The following SLC39A11 variants were observed in gnomAD, a reference collection of about 807,000 sequenced individuals.
The protein encoded by SLC39A11 is solute carrier family 39 member 11, also known as zinc transporter ZIP11.
A neutral mutation model predicts 36.1 loss-of-function variants in SLC39A11; 33 were observed. The ratio of observed to expected loss-of-function variants is 0.91; its 90% CI spans 0.69 to 1.22. The LOEUF is 1.22. Among genes scored for constraint, SLC39A11 ranks in the 50% most tolerant of loss-of-function variants. The probability of loss-of-function intolerance (pLI) is 0.00; values close to 1 mark genes in which losing one functional copy is unlikely to be tolerated. For missense variants in SLC39A11, 432 were observed against 430.3 expected (o/e 1.00, Z -0.03); for synonymous variants, 166 against 170.3 (o/e 0.97, Z 0.20).
chr17:73,046,422 G>T (rs762471561), intron 3 of SLC39A11, among the ~76,000 whole-genome samples: 1 of 152,142 alleles, frequency 6.6e-6, no homozygotes, highest in Non-Finnish European at 1.5e-5. Flanking sequence ...TGATGGGGCA[G>T]AATCCCAAAG....
intron 7 of SLC39A11, among the ~76,000 whole-genome samples, chr17:72,689,057 CCT>C (rs1231377649): frequency 2.0e-5 from 3 of 152,148 alleles, no homozygotes; most frequent in African/African-American, 7.2e-5. Context: ...GCCAGTCATC[CCT>C]GTCCTGTCTC....
At chr17:72,859,389 G>A (rs887687712) in intron 5 of SLC39A11, among the ~76,000 whole-genome samples, 2 of 152,118 alleles carry the variant, frequency 1.3e-5, no homozygotes, top group Non-Finnish European at 2.9e-5. Context: ...ATGCAACAAG[G>A]TGTTCATTGT....
chr17:72,820,442 C>A (rs2077732290), intron 6 of SLC39A11, among the ~76,000 whole-genome samples: 1 of 151,190 alleles, frequency 6.6e-6, no homozygotes, highest in African/African-American at 2.4e-5. Flanking sequence ...CCTCTCCTCT[C>A]TCCTTTGCTG....
chr17:72,743,136 G>C (rs906699754), intron 6 of SLC39A11, among the ~76,000 whole-genome samples: 27 of 152,208 alleles, frequency 1.8e-4, no homozygotes, highest in Non-Finnish European at 1.3e-4. Context: ...TGGGAGATTG[G>C]GGAAGGGAGC....
chr17:73,084,153 A>G (rs2060637536), intron 3 of SLC39A11, among the ~76,000 whole-genome samples: 1 of 152,134 alleles, frequency 6.6e-6, no homozygotes, highest in Admixed American at 6.6e-5. Context: ...AATGTCTATA[A>G]TATGCTGGGT....
intron 5 of SLC39A11, among the ~76,000 whole-genome samples, chr17:72,861,658 T>TATAG (rs2080002930): frequency 1.4e-4 from 1 of 7,178 alleles, no homozygotes; most frequent in Non-Finnish European, 2.7e-4. Context: ...TACAACACAT[T>TATAG]ATATATATAT....
intron 6 of SLC39A11, among the ~76,000 whole-genome samples, chr17:72,841,888 C>A (rs560791604): frequency 6.7e-5 from 10 of 149,060 alleles, no homozygotes; most frequent in African/African-American, 2.2e-4. Flanking sequence ...ATGGCAAAAC[C>A]CTGTCTCTAC....
At chr17:72,944,521 C>T (rs997510437) in intron 5 of SLC39A11, among the ~76,000 whole-genome samples, 11 of 143,436 alleles carry the variant, frequency 7.7e-5, no homozygotes, top group Non-Finnish European at 1.6e-4. Flanking sequence ...CTTATAGTCC[C>T]TTGCCTTTCA....
chr17:72,768,264 T>G (rs148557812), intron 6 of SLC39A11, among the ~76,000 whole-genome samples: 1 of 152,350 alleles, frequency 6.6e-6, no homozygotes, highest in Non-Finnish European at 1.5e-5. Flanking sequence ...TTCAATAGCC[T>G]CACAAGGCAG....
chr17:72,712,544 C>A (rs2073151561), intron 7 of SLC39A11, among the ~76,000 whole-genome samples: 1 of 152,080 alleles, frequency 6.6e-6, no homozygotes, highest in Non-Finnish European at 1.5e-5. Context: ...TTGGATCCAC[C>A]TAAAATTTTG....
chr17:72,904,830 C>T (rs537822703), intron 5 of SLC39A11, among the ~76,000 whole-genome samples: 2 of 152,284 alleles, frequency 1.3e-5, no homozygotes, highest in East Asian at 3.9e-4. Context: ...AACCTTTCCC[C>T]CTCCTGGAAA....
rs371370814 is a variant in SLC39A11 at position 72,991,715 on chromosome 17, C to T, written c.306+39841G>A. ...CCATGCTATCTTAATGAATTTACCA[C>T]AATTTAATTATTCATTCTTCTACTG... is the stretch of plus-strand genomic sequence containing the variant. On this transcript the variant is annotated intron_variant, in intron 4 of 9. Transcript: ENST00000255559. Among the ~76,000 whole-genome samples, 129 of 152,338 alleles carry T rather than the reference C, an allele frequency of 8.5e-4. 1 individual carries two copies. The highest frequency in any genetic ancestry group is 2.9e-3 in the African/African-American group (120 of 41,574).
chr17:72,860,999 C>G (rs899353259), intron 5 of SLC39A11, among the ~76,000 whole-genome samples: 1 of 152,136 alleles, frequency 6.6e-6, no homozygotes, highest in Admixed American at 6.5e-5. Flanking sequence ...ATAACACGTA[C>G]AACACAAACC....
intron 3 of SLC39A11, among the ~76,000 whole-genome samples, chr17:73,039,727 C>T (rs1286163259): frequency 2.0e-5 from 3 of 152,122 alleles, no homozygotes; most frequent in Non-Finnish European, 4.4e-5. Context: ...GCAGAATTTT[C>T]GAAGCTTCAC....
intron 7 of SLC39A11, among the ~76,000 whole-genome samples, chr17:72,690,896 A>T (rs1407524743): frequency 6.6e-6 from 1 of 152,172 alleles, no homozygotes; most frequent in East Asian, 1.9e-4. Flanking sequence ...GGAGAGGAGA[A>T]CACAGCTCCA....
intron 7 of SLC39A11, among the ~76,000 whole-genome samples, chr17:72,662,705 GGAAGAAAGA>G (rs551043493): frequency 1.2e-3 from 147 of 124,596 alleles, no homozygotes; most frequent in African/African-American, 4.2e-3. Context: ...AAGGAAGGAG[GGAAGAAAGA>G]GAAGAAAGAG....
intron 6 of SLC39A11, among the ~76,000 whole-genome samples, chr17:72,793,139 T>G (rs989176961): frequency 1.3e-5 from 2 of 152,136 alleles, no homozygotes; most frequent in African/African-American, 2.4e-5. Context: ...TTTGCCATTT[T>G]AGGAAGATAA....
At chr17:73,023,803 T>C (rs1227129921) in intron 4 of SLC39A11, among the ~76,000 whole-genome samples, 1 of 152,168 alleles carries the variant, frequency 6.6e-6, no homozygotes, top group African/African-American at 2.4e-5. Flanking sequence ...AATGGTGCTG[T>C]TTGGGTGGGC....
intron 6 of SLC39A11, among the ~76,000 whole-genome samples, chr17:72,761,263 C>T (rs548112342): frequency 1.3e-5 from 2 of 151,988 alleles, no homozygotes; most frequent in Admixed American, 6.6e-5. Context: ...TACAGGCACC[C>T]GCCACCACGC....
Sources: gnomAD v4.1 joint callset for allele counts (sites outside exome capture counted in the v4.1 genomes callset) on GRCh38, gnomAD v4.1.1 for gene constraint, MANE v1.5 for transcripts, NCBI Gene and HGNC (gene_info 2026-07-23, HGNC 2026-07-21) for gene names.